NFAM1: variants seen among roughly 807,000 people sequenced by gnomAD.
NFAM1 encodes the protein NFAT activating protein with ITAM motif 1.
Under a neutral mutation model 29.0 loss-of-function variants are expected in NFAM1, and 17 were observed. That is an observed-to-expected ratio of 0.59 (90% CI 0.40 to 0.88). The LOEUF (loss-of-function observed/expected upper bound fraction) is 0.88, where lower values mean the gene tolerates loss of function less well. NFAM1 is among the 40% of genes least tolerant of loss of function. The probability of loss-of-function intolerance (pLI) is 0.00; values close to 1 mark genes in which losing one functional copy is unlikely to be tolerated. For missense variants in NFAM1, 324 were observed against 344.6 expected, an observed-to-expected ratio of 0.94 and a Z score of 0.47; for synonymous variants, 175 against 147.2, an observed-to-expected ratio of 1.19 and a Z score of -1.36.
rs903323653 is a variant in NFAM1, at chr22:42,409,792, C to T, written c.452-245G>A. The stretch of plus-strand genomic sequence containing the variant: ...TTTGCTCTTCCGGTGCCCCTGCCCC[C>T]GTGACCTGGCTCCCCTGTGGGCTGC... On this transcript the variant is annotated intron_variant, in intron 2 of 5. Transcript: ENST00000329021. This position sits in a 1 kb window ranked among gnomAD's most constrained non-coding sequence, Gnocchi z 4.9. Among the ~76,000 whole-genome samples the T allele has an allele frequency of 1.3e-5, 2 of 152,218 alleles. No homozygotes were observed. Among genetic ancestry groups the T allele is most frequent in the Non-Finnish European group, 2.9e-5 (2 of 68,034 alleles).
At chr22:42,389,190 T>C (rs1601733447) in intron 4 of NFAM1, among the ~76,000 whole-genome samples, 1 of 152,168 alleles carries the variant, frequency 6.6e-6, no homozygotes, top group East Asian at 1.9e-4. Context: ...TCAGCCGGGC[T>C]GCCCAGAACA....
Position 42,385,003 on chromosome 22 carries a change from C to A in NFAM1, c.*158G>T. 1 of 698,170 alleles carries A rather than the reference C, an allele frequency of 1.4e-6. No homozygotes were observed. Among genetic ancestry groups the A allele is most frequent in the Non-Finnish European group, 2.6e-6 (1 of 386,186 alleles). 43.2% of individuals were successfully genotyped at this position (698,170 alleles called of 1,614,324 possible). On this transcript the variant is annotated 3_prime_UTR_variant, in exon 6 of 6. Transcript: ENST00000329021. Reference sequence around the variant, plus strand: ...GTGGTTGGGGCATAGAATGGGGGGGCAGTGGGGCCGGCCAAGACAGGAAGG... The same window carrying A: ...GTGGTTGGGGCATAGAATGGGGGGGAAGTGGGGCCGGCCAAGACAGGAAGG...
upstream of NFAM1, among the ~76,000 whole-genome samples, chr22:42,434,190 C>T (rs1698145785): frequency 6.6e-6 from 1 of 152,188 alleles, no homozygotes. Flanking sequence ...CCACGCTTGC[C>T]TGCCTGAGCT....
rs1043671739 is a variant in NFAM1, at chr22:42,388,494, C to G, written c.664-1416G>C. 3.9e-5 allele frequency among the ~76,000 whole-genome samples: 6 copies of G among 152,158 alleles called. No homozygotes were observed. The highest frequency in any genetic ancestry group is 9.7e-5 in the African/African-American group (4 of 41,440). ...GAGCAGAGCCCACCAACAGCCTAAGCAAGAGCAGAAGCCTTTCCTTCCTGA... is the reference window on the plus strand; with the variant it reads ...GAGCAGAGCCCACCAACAGCCTAAGGAAGAGCAGAAGCCTTTCCTTCCTGA... On this transcript the variant is annotated intron_variant, in intron 4 of 5. Coordinates refer to ENST00000329021, the MANE Select transcript of NFAM1 (RefSeq NM_145912.8). This position sits in a 1 kb window ranked among gnomAD's most constrained non-coding sequence, Gnocchi z 4.1.
At chr22:42,410,846 C>T (rs891789213) in intron 2 of NFAM1, among the ~76,000 whole-genome samples, 2 of 152,028 alleles carry the variant, frequency 1.3e-5, no homozygotes, top group South Asian at 4.2e-4. Context: ...CAAGGGAGCT[C>T]TTTTAGGTCA....
At chr22:42,426,506 G>A (rs920653992) in intron 1 of NFAM1, among the ~76,000 whole-genome samples, 1 of 152,208 alleles carries the variant, frequency 6.6e-6, no homozygotes, top group Non-Finnish European at 1.5e-5. Flanking sequence ...CCAAGTCCCA[G>A]CCAAGACTCT....
rs916836168 is a variant in NFAM1, at chr22:42,419,565, G to C, written c.122-7829C>G. ...AGAAAAATGGAAAGTCCCTGGCTTGGAGGATCCAGTTCTTGCCTCCCAGGA... is the reference window on the plus strand; with the variant it reads ...AGAAAAATGGAAAGTCCCTGGCTTGCAGGATCCAGTTCTTGCCTCCCAGGA... On this transcript the variant is annotated intron_variant, in intron 1 of 5. Transcript: ENST00000329021. This position sits in a 1 kb window ranked among gnomAD's most constrained non-coding sequence, Gnocchi z 4.5. 1.3e-5 allele frequency among the ~76,000 whole-genome samples: 2 copies of C among 152,188 alleles called. No homozygotes were observed. Among genetic ancestry groups the C allele is most frequent in the African/African-American group, 4.8e-5 (2 of 41,440 alleles).
chr22:42,395,108 A>T (rs1000739827), intron 4 of NFAM1, among the ~76,000 whole-genome samples: 2 of 152,062 alleles, frequency 1.3e-5, no homozygotes, highest in South Asian at 2.1e-4. Flanking sequence ...CGGGAGGTGG[A>T]GGTTGAAGTA....
intron 4 of NFAM1, among the ~76,000 whole-genome samples, chr22:42,387,338 C>T (rs1205500650): frequency 6.6e-6 from 1 of 152,154 alleles, no homozygotes; most frequent in Non-Finnish European, 1.5e-5. Flanking sequence ...TGTATTCCAC[C>T]TGGAGGGTTC....
intron 1 of NFAM1, among the ~76,000 whole-genome samples, chr22:42,415,789 G>A (rs149496305): frequency 7.9e-5 from 12 of 152,280 alleles, no homozygotes; most frequent in Non-Finnish European, 1.6e-4. Flanking sequence ...TAGGTTTCAC[G>A]GTCATTTCCA....
chr22:42,413,411 C>A (rs1416603683), intron 1 of NFAM1, among the ~76,000 whole-genome samples: 2 of 152,128 alleles, frequency 1.3e-5, no homozygotes, highest in Non-Finnish European at 2.9e-5. Context: ...ATGGAGTTGG[C>A]CCTGTGCGTC....
chr22:42,385,968 T>C (rs1045401410), intron 5 of NFAM1, among the ~76,000 whole-genome samples: 1 of 152,220 alleles, frequency 6.6e-6, no homozygotes, highest in Admixed American at 6.5e-5. Flanking sequence ...TTGACGGTGC[T>C]GGAAGCTCTG....
chr22:42,390,677 C>T (rs982061287), intron 4 of NFAM1, among the ~76,000 whole-genome samples: 7 of 151,956 alleles, frequency 4.6e-5, no homozygotes, highest in South Asian at 4.2e-4. Flanking sequence ...ATTAGCCGGG[C>T]GTGGTGACGG....
In NFAM1 at chr22:42,397,840, G is replaced by T; in HGVS notation, c.663+18C>A. ...AGGCCTGAAAGAGGTGGAGGGAGCC[G>T]GGGGCCCCGGGACTCACTGTGTAGA... On this transcript the variant is annotated intron_variant, in intron 4 of 5. Transcript: ENST00000329021. 6.6e-7 allele frequency: 1 copy of T among 1,516,522 alleles called. No homozygotes were observed. Among genetic ancestry groups the T allele is most frequent in the Non-Finnish European group, 9.2e-7 (1 of 1,091,988 alleles). 93.9% of individuals were successfully genotyped at this position (1,516,522 alleles called of 1,614,324 possible). A position where few individuals can be genotyped will look rare whatever the true frequency, so the allele number is the denominator to read the frequency against.
intron 4 of NFAM1, among the ~76,000 whole-genome samples, chr22:42,395,658 G>A (rs146095933): frequency 0.12 from 17,869 of 151,458 alleles, 1,389 homozygotes; most frequent in Admixed American, 0.26. Flanking sequence ...TGAGGTGGGC[G>A]GACCACGAGG....
At chr22:42,424,373 C>CAT (rs1930552288) in intron 1 of NFAM1, among the ~76,000 whole-genome samples, 1 of 152,018 alleles carries the variant, frequency 6.6e-6, no homozygotes, top group Non-Finnish European at 1.5e-5. Flanking sequence ...CGAGATTGTG[C>CAT]CACTGCACTC....
chr22:42,402,043 A>G (rs1452918786), intron 3 of NFAM1, among the ~76,000 whole-genome samples: 1 of 152,224 alleles, frequency 6.6e-6, no homozygotes, highest in African/African-American at 2.4e-5. Flanking sequence ...ATGCTATGGC[A>G]GGACAGACAG....
chr22:42,434,734 A>G (rs1930900562), upstream of NFAM1, among the ~76,000 whole-genome samples: 1 of 152,272 alleles, frequency 6.6e-6, no homozygotes. Context: ...CAAAGGCTGA[A>G]GGCGGAGCAG....
chr22:42,396,596 TAGG>T (rs1462560921), intron 4 of NFAM1, among the ~76,000 whole-genome samples: 1 of 151,942 alleles, frequency 6.6e-6, no homozygotes, highest in African/African-American at 2.4e-5. Flanking sequence ...GAATCCCTGG[TAGG>T]GAAAATACCA....
Sources: allele counts gnomAD v4.1 joint callset (sites outside exome capture counted in the v4.1 genomes callset), GRCh38; gene constraint gnomAD v4.1.1; non-coding constraint Gnocchi (gnomAD v3.1); transcripts MANE v1.5; gene names NCBI Gene and HGNC (gene_info 2026-07-23, HGNC 2026-07-21).